Variants in PCDHA1 observed in about 807,000 individuals in gnomAD.
The protein encoded by PCDHA1 is protocadherin alpha-1.
PCDHA1 carries 42 observed loss-of-function variants against 61.3 expected under a neutral mutation model. The observed-to-expected ratio is 0.69, with a 90% CI of 0.54 to 0.89. The LOEUF (loss-of-function observed/expected upper bound fraction) is 0.89, where lower values mean the gene tolerates loss of function less well. Ranked by LOEUF, PCDHA1 falls within the 40% of genes least tolerant of loss-of-function variation. The probability of loss-of-function intolerance (pLI) is 0.00; values close to 1 mark genes in which losing one functional copy is unlikely to be tolerated. For missense variants in PCDHA1, 1,256 were observed against 1,235.3 expected, an observed-to-expected ratio of 1.02 and a Z score of -0.25; for synonymous variants, 610 against 553.8, an observed-to-expected ratio of 1.10 and a Z score of -1.43.
rs782230479 is a variant in PCDHA1 at position 140,786,858 on chromosome 5, A to C, written c.568A>C (p.Lys190Gln). Residue 190 changes from lysine to glutamine, a missense_variant, in exon 1 of 4, where the codon AAA becomes CAA. Coordinates refer to ENST00000504120, the MANE Select transcript of PCDHA1 (RefSeq NM_018900.4). ...TGTAGAGGCAAGTGATGAACTGAGT[A>C]AATCTCTTTGGCTTGAATTGAGAAA... is the stretch of plus-strand genomic sequence containing the variant. ...LDVEASDELS[K>Q]SLWLELRKYL... 1 of 1,614,182 alleles carries C rather than the reference A, an allele frequency of 6.2e-7. No homozygotes were observed. The highest frequency in any genetic ancestry group is 8.5e-7 in the Non-Finnish European group (1 of 1,179,996).
In PCDHA1 at chr5:140,787,611, G is replaced by T; in HGVS notation, c.1321G>T (p.Val441Leu). Residue 441 changes from valine to leucine, a missense_variant, in exon 1 of 4, where the codon GTG (valine) becomes TTG (leucine). Physicochemically the swap from Val to Leu is conservative, Grantham distance 32 (BLOSUM62 1). Coordinates refer to ENST00000504120, the MANE Select transcript of PCDHA1 (RefSeq NM_018900.4). ...GSPSLWATARVSVEVADVNDN... is the reference protein window; with the variant it reads ...GSPSLWATARLSVEVADVNDN... ...GCCTTCGCTGTGGGCCACGGCCAGG[G>T]TGTCCGTGGAGGTGGCCGACGTGAA... 2 of 1,614,072 alleles carry T rather than the reference G, an allele frequency of 1.2e-6. No homozygotes were observed. The highest frequency in any genetic ancestry group is 1.7e-5 in the Admixed American group (1 of 60,020).
At chr5:140,819,676 G>A (rs1766598888) in intron 1 of PCDHA1, among the ~76,000 whole-genome samples, 1 of 152,082 alleles carries the variant, frequency 6.6e-6, no homozygotes, top group Non-Finnish European at 1.5e-5. Flanking sequence ...GTTGATCACT[G>A]TAGCACAAAT....
intron 1 of PCDHA1, chr5:140,802,692 G>T (rs1268823463): frequency 2.5e-6 from 4 of 1,612,888 alleles, no homozygotes; most frequent in Non-Finnish European, 2.5e-6. Context: ...GGAACGGCGG[G>T]TGGGGGAGCG....
intron 1 of PCDHA1, chr5:140,802,459 A>T: frequency 6.2e-7 from 1 of 1,614,150 alleles, no homozygotes; most frequent in South Asian, 1.1e-5. Context: ...GTGTCGGCCT[A>T]TGAGCTGGTG....
Position 140,786,188 on chromosome 5 carries a change from G to T in PCDHA1, c.-103G>T. 1 of 1,439,722 alleles carries T rather than the reference G, an allele frequency of 6.9e-7. No homozygotes were observed. The allele number at this position is 1,439,722 out of a possible 1,614,324, so 89.2% of individuals were successfully genotyped here. On this transcript the variant is annotated 5_prime_UTR_variant, in exon 1 of 4. Coordinates refer to ENST00000504120, the MANE Select transcript of PCDHA1 (RefSeq NM_018900.4). Reference sequence around the variant, plus strand: ...GAAGCTCCATTTTGTCACCGCCTGAGAGAAGACAGAAACGGTAAAGAGATA... The same window carrying T: ...GAAGCTCCATTTTGTCACCGCCTGATAGAAGACAGAAACGGTAAAGAGATA...
intron 1 of PCDHA1, among the ~76,000 whole-genome samples, chr5:140,799,863 T>G (rs1214913201): frequency 6.6e-6 from 1 of 152,142 alleles, no homozygotes; most frequent in Non-Finnish European, 1.5e-5. Flanking sequence ...TTCTCTAAAT[T>G]TGACCTCTTT....
Position 140,819,137 on chromosome 5 carries a change from T to A in PCDHA1, c.2394+30453T>A, listed in dbSNP as rs193224089. On this transcript the variant is annotated intron_variant, in intron 1 of 3. Coordinates refer to ENST00000504120, the MANE Select transcript of PCDHA1 (RefSeq NM_018900.4). The stretch of plus-strand genomic sequence containing the variant: ...CTTTCTTACTATCCTTATAATAGAA[T>A]AAATTAATTTTTATACAGAATTAAT... Among the ~76,000 whole-genome samples the A allele has an allele frequency of 3.0e-3, 455 of 152,322 alleles. 4 individuals carry two copies. The highest frequency in any genetic ancestry group is 0.014 in the Middle Eastern group (4 of 294).
intron 1 of PCDHA1, chr5:140,875,848 A>T: frequency 1.2e-6 from 2 of 1,614,188 alleles, no homozygotes; most frequent in East Asian, 2.2e-5. Context: ...GGTGAAGGAC[A>T]TTAACGACAA....
At chr5:140,968,845 G>A in intron 1 of PCDHA1, 1 of 1,614,176 alleles carries the variant, frequency 6.2e-7, no homozygotes. Flanking sequence ...ACACTCAGAG[G>A]CATGTTAAGA....
At chr5:140,795,837 T>G (rs782417894) in intron 1 of PCDHA1, 1 of 1,613,880 alleles carries the variant, frequency 6.2e-7, no homozygotes, top group South Asian at 1.1e-5. Context: ...CTATACAGAC[T>G]AAGTTTACCA....
chr5:140,840,024 G>A (rs1776520218), intron 1 of PCDHA1, among the ~76,000 whole-genome samples: 2 of 152,172 alleles, frequency 1.3e-5, no homozygotes, highest in Middle Eastern at 3.4e-3. Context: ...TCATGGTCAC[G>A]TAGCGTATCT....
chr5:140,788,406 G>T lies in PCDHA1; in HGVS notation c.2116G>T (p.Ala706Ser), dbSNP rs782653718. The T allele has an allele frequency of 6.2e-6, 10 of 1,614,068 alleles. No individual in the cohort carries two copies. Among genetic ancestry groups the T allele is most frequent in the Non-Finnish European group, 8.5e-6 (10 of 1,179,980 alleles). The change falls in exon 1 of 4, where the codon GCG (alanine) becomes TCG (serine). Residue 706 changes from alanine to serine, a missense_variant. Physicochemically the swap from Ala to Ser is moderately conservative, Grantham distance 99. Transcript: ENST00000504120. ...CGTGTACCTGATCATCGCCATCTGCGCGGTGTCCAGCCTGCTGGTGCTCAC... is the reference window on the plus strand; with the variant it reads ...CGTGTACCTGATCATCGCCATCTGCTCGGTGTCCAGCCTGCTGGTGCTCAC... ...VNVYLIIAIC[A>S]VSSLLVLTLL... is the part of the protein sequence containing the mutation.
intron 1 of PCDHA1, chr5:140,801,866 T>A: frequency 6.2e-7 from 1 of 1,614,116 alleles, no homozygotes; most frequent in Non-Finnish European, 8.5e-7. Flanking sequence ...CAGAGCTCAC[T>A]GGCACGACTC....
intron 1 of PCDHA1, chr5:140,930,291 C>G (rs529065220): frequency 2.0e-5 from 3 of 152,094 alleles, no homozygotes; most frequent in Non-Finnish European, 4.4e-5. Flanking sequence ...ATACACTTAA[C>G]AAATAAGTAA....
At chr5:140,851,158 C>A in intron 1 of PCDHA1, 1 of 1,299,046 alleles carries the variant, frequency 7.7e-7, no homozygotes, top group Non-Finnish European at 9.9e-7. Flanking sequence ...ATTTCTGATG[C>A]TATGCTGCCA....
chr5:140,932,222 A>T (rs2088129167), intron 1 of PCDHA1, among the ~76,000 whole-genome samples: 1 of 151,870 alleles, frequency 6.6e-6, no homozygotes, highest in African/African-American at 2.4e-5. Flanking sequence ...GGCAATTTAA[A>T]TTTTTTAGAA....
chr5:140,850,291 C>G (rs2150477990), intron 1 of PCDHA1: 2 of 1,595,974 alleles, frequency 1.3e-6, no homozygotes, highest in South Asian at 2.2e-5. Flanking sequence ...GCAGTGGACG[C>G]CGACTCGGGC....
In PCDHA1 at chr5:141,011,865, G is replaced by A. The variant is rs372303007; in HGVS notation, c.*1928G>A. Reference sequence around the variant, plus strand: ...TAAGACATTTTAATTTTGTTATAATGTACAATTTAGAAGTTTGATTAATTA... The same window carrying A: ...TAAGACATTTTAATTTTGTTATAATATACAATTTAGAAGTTTGATTAATTA... On this transcript the variant is annotated 3_prime_UTR_variant, in exon 4 of 4. Coordinates refer to ENST00000504120, the MANE Select transcript of PCDHA1 (RefSeq NM_018900.4). 40 of 153,574 alleles carry A rather than the reference G, an allele frequency of 2.6e-4. No individual in the cohort carries two copies. The highest frequency in any genetic ancestry group is 3.4e-3 in the Middle Eastern group (1 of 294). 9.5% of individuals were successfully genotyped at this position (153,574 alleles called of 1,614,324 possible).
At chr5:140,928,927 G>T (rs1359556123) in intron 1 of PCDHA1, 1 of 1,613,982 alleles carries the variant, frequency 6.2e-7, no homozygotes, top group Non-Finnish European at 8.5e-7. Context: ...GCAGCTTTCT[G>T]CCCAGAACTT....
Sources: gnomAD v4.1 joint callset for allele counts (sites outside exome capture counted in the v4.1 genomes callset) on GRCh38, gnomAD v4.1.1 for gene constraint, MANE v1.5 for transcripts, NCBI Gene and HGNC (gene_info 2026-07-23, HGNC 2026-07-21) for gene names.